Variants in SEPTIN11 observed in about 807,000 individuals in gnomAD.
The protein encoded by SEPTIN11 is septin 11, also known as septin-11.
In SEPTIN11, 25 loss-of-function variants were observed where a neutral mutation model predicts 51.4. The observed-to-expected ratio is 0.49, with a 90% CI of 0.35 to 0.68. The LOEUF (loss-of-function observed/expected upper bound fraction) is 0.68, where lower values mean the gene tolerates loss of function less well. SEPTIN11 is among the 30% of genes least tolerant of loss of function. SEPTIN11 has a pLI of 0.00. For missense variants in SEPTIN11, 381 were observed against 520.8 expected (o/e 0.73, Z 2.61); for synonymous variants, 174 against 184.1 (o/e 0.95, Z 0.44).
chr4:76,982,928 G>GTT (rs370774954), intron 1 of SEPTIN11, among the ~76,000 whole-genome samples: 1 of 151,022 alleles, frequency 6.6e-6, no homozygotes, highest in African/African-American at 2.4e-5. Context: ...ACAGTTGTGT[G>GTT]TTTTTTTTGT....
chr4:77,014,933 G>A lies in SEPTIN11; in HGVS notation c.603G>A (p.Met201Ile). 1.2e-6 allele frequency: 2 copies of A among 1,614,178 alleles called. No homozygotes were observed. The highest frequency in any genetic ancestry group is 1.7e-6 in the Non-Finnish European group (2 of 1,180,016). Residue 201 changes from methionine to isoleucine, a missense_variant, in exon 5 of 10, where the codon ATG (methionine) becomes ATA (isoleucine). Met to Ile is a conservative substitution (Grantham distance 10). This residue lies in a region of SEPTIN11 where 197 missense variants were observed against 313.1 expected (regional missense o/e 0.63). Transcript: ENST00000264893. ...TGCACAAATTCAAGAGTAAGATCATGAGTGAACTGGTCAGCAATGGGGTCC... is the reference window on the plus strand; with the variant it reads ...TGCACAAATTCAAGAGTAAGATCATAAGTGAACTGGTCAGCAATGGGGTCC... The part of the protein sequence containing the change: ...NELHKFKSKI[M>I]SELVSNGVQI...
At chr4:76,980,497 C>A (rs1290910038) in intron 1 of SEPTIN11, among the ~76,000 whole-genome samples, 1 of 152,084 alleles carries the variant, frequency 6.6e-6, no homozygotes, top group Non-Finnish European at 1.5e-5. Context: ...TGCCACATTG[C>A]GCTAAACCCA....
intron 5 of SEPTIN11, among the ~76,000 whole-genome samples, chr4:77,017,039 A>G (rs1725358723): frequency 6.6e-6 from 1 of 151,978 alleles, no homozygotes; most frequent in African/African-American, 2.4e-5. Context: ...TTTTTATAGG[A>G]AGGTCAAAAT....
At chr4:77,039,379 G>C (rs1727241864), downstream of SEPTIN11, 4 of 1,077,912 alleles carry the variant, frequency 3.7e-6, no homozygotes, top group South Asian at 8.1e-5. Context: ...CCAAGGTCTT[G>C]TGCTGGGATC....
Position 77,038,261 on chromosome 4 carries a change from A to G in SEPTIN11, c.*3749A>G, listed in dbSNP as rs1233715888. The G allele has an allele frequency of 1.0e-6, 1 of 985,578 alleles. No individual in the cohort carries two copies. The highest frequency in any genetic ancestry group is 1.7e-5 in the African/African-American group (1 of 57,248). 61.1% of individuals were successfully genotyped at this position (985,578 alleles called of 1,614,324 possible). A position where few individuals can be genotyped will look rare whatever the true frequency, so the allele number is the denominator to read the frequency against. ...TGTGAACAGCATTAGAACTTTGTCT[A>G]TTTCTTAATTTTAAAATATGCTGAT... On this transcript the variant is annotated 3_prime_UTR_variant, in exon 10 of 10. Coordinates refer to ENST00000264893, the MANE Select transcript of SEPTIN11 (RefSeq NM_018243.4).
chr4:76,969,152 G>A (rs990907111), intron 1 of SEPTIN11, among the ~76,000 whole-genome samples: 7 of 152,168 alleles, frequency 4.6e-5, no homozygotes, highest in South Asian at 2.1e-4. Flanking sequence ...GCAAGTTGGC[G>A]GCGGGAGCTC....
At chr4:76,995,717 T>G in intron 1 of SEPTIN11, 1 of 1,363,238 alleles carries the variant, frequency 7.3e-7, no homozygotes, top group Non-Finnish European at 9.6e-7. Flanking sequence ...ACCCAGTGAT[T>G]TTACTTTAGC....
Position 77,014,944 on chromosome 4 carries a change from T to C in SEPTIN11, c.614T>C (p.Val205Ala). Residue 205 changes from valine to alanine, a missense_variant, in exon 5 of 10, where the codon GTC becomes GCC. By Grantham distance (64) the Val-to-Ala change is moderately conservative. Around this residue, in one of 2 missense-constraint regions of SEPTIN11, gnomAD observed 197 missense variants for 313.1 expected, o/e 0.63. Coordinates refer to ENST00000264893, the MANE Select transcript of SEPTIN11 (RefSeq NM_018243.4). ...AAGAGTAAGATCATGAGTGAACTGGTCAGCAATGGGGTCCAGATATATCAG... is the reference window on the plus strand; with the variant it reads ...AAGAGTAAGATCATGAGTGAACTGGCCAGCAATGGGGTCCAGATATATCAG... Reference protein sequence around the residue: ...KFKSKIMSELVSNGVQIYQFP... With the variant: ...KFKSKIMSELASNGVQIYQFP... The C allele has an allele frequency of 1.2e-6, 2 of 1,614,128 alleles. No individual in the cohort carries two copies. Among genetic ancestry groups the C allele is most frequent in the Non-Finnish European group, 1.7e-6 (2 of 1,179,982 alleles).
At chr4:76,950,769 C>T (rs1721299840) in intron 1 of SEPTIN11, among the ~76,000 whole-genome samples, 1 of 151,952 alleles carries the variant, frequency 6.6e-6, no homozygotes, top group African/African-American at 2.4e-5. Flanking sequence ...CGGAGGGGAG[C>T]GGGACTCCGA....
In SEPTIN11 at chr4:76,949,819, G is replaced by A; in HGVS notation, c.-85G>A. ...GCGCAGCCGCGAGGGAGGCGCGAGG[G>A]AGGCGAGCCGGAGCCCGAGCACTAG... On this transcript the variant is annotated 5_prime_UTR_variant, in exon 1 of 10. Coordinates refer to ENST00000264893, the MANE Select transcript of SEPTIN11 (RefSeq NM_018243.4). 1.4e-6 allele frequency: 2 copies of A among 1,426,038 alleles called. No individual in the cohort carries two copies. Among genetic ancestry groups the A allele is most frequent in the Non-Finnish European group, 1.9e-6 (2 of 1,063,826 alleles). The allele number at this position is 1,426,038 out of a possible 1,614,324, so 88.3% of individuals were successfully genotyped here.
At chr4:77,016,633 C>CACATATATATATATATCTATATCT in intron 5 of SEPTIN11, among the ~76,000 whole-genome samples, 1 of 72,748 alleles carries the variant, frequency 1.4e-5, no homozygotes. Context: ...TATATATACA[C>CACATATATATATATATCTATATCT]ATATATATAT....
At chr4:76,979,292 T>C (rs958005628) in intron 1 of SEPTIN11, among the ~76,000 whole-genome samples, 1 of 152,208 alleles carries the variant, frequency 6.6e-6, no homozygotes, top group East Asian at 1.9e-4. Flanking sequence ...TGGTGTCTAA[T>C]TCAAGGAACC....
At chr4:76,974,629 C>A in intron 1 of SEPTIN11, 3 of 400,016 alleles carry the variant, frequency 7.5e-6, no homozygotes, top group Admixed American at 2.8e-5. Flanking sequence ...ACAGATTCTT[C>A]AGTCGTTTCA....
chr4:76,961,104 G>A (rs1310225579), intron 1 of SEPTIN11, among the ~76,000 whole-genome samples: 6 of 152,172 alleles, frequency 3.9e-5, no homozygotes, highest in Admixed American at 3.9e-4. Context: ...GATCTTGTCA[G>A]GCTCTTTTAA....
At chr4:77,026,809 A>G (rs1329004520) in intron 7 of SEPTIN11, among the ~76,000 whole-genome samples, 1 of 152,240 alleles carries the variant, frequency 6.6e-6, no homozygotes, top group Non-Finnish European at 1.5e-5. Context: ...TCTGACCTAA[A>G]TAATAGTGAT....
chr4:76,968,976 T>C (rs890168470), intron 1 of SEPTIN11, among the ~76,000 whole-genome samples: 1 of 152,204 alleles, frequency 6.6e-6, no homozygotes, highest in African/African-American at 2.4e-5. Flanking sequence ...AGCATTTTTA[T>C]TGAGAAATAT....
intron 5 of SEPTIN11, among the ~76,000 whole-genome samples, chr4:77,018,302 A>G (rs952876277): frequency 1.3e-5 from 2 of 152,136 alleles, no homozygotes; most frequent in African/African-American, 2.4e-5. Flanking sequence ...TACAAAAATT[A>G]GCTGGGCATG....
intron 7 of SEPTIN11, among the ~76,000 whole-genome samples, chr4:77,022,589 A>G (rs1375722871): frequency 2.0e-5 from 3 of 152,228 alleles, no homozygotes; most frequent in South Asian, 4.1e-4. Context: ...AACTTCATTT[A>G]CAAAAACAGA....
At position 77,036,480 on chromosome 4, in the gene SEPTIN11, T is replaced by A; in HGVS notation, c.*1968T>A. ...ACAGAAAGTACACTTTTAAATTGTCTCTTGCATCACTAAAATTTTTTTAAA... is the reference window on the plus strand; with the variant it reads ...ACAGAAAGTACACTTTTAAATTGTCACTTGCATCACTAAAATTTTTTTAAA... On this transcript the variant is annotated 3_prime_UTR_variant, in exon 10 of 10. Transcript: ENST00000264893. 2 of 1,290,002 alleles carry A rather than the reference T, an allele frequency of 1.6e-6. No homozygotes were observed. The highest frequency in any genetic ancestry group is 3.3e-5 in the South Asian group (2 of 61,232). The allele number at this position is 1,290,002 out of a possible 1,614,324, so 79.9% of individuals were successfully genotyped here.
Sources: allele counts gnomAD v4.1 joint callset (sites outside exome capture counted in the v4.1 genomes callset), GRCh38; gene constraint gnomAD v4.1.1; regional missense constraint gnomAD v4.1.1; transcripts MANE v1.5; gene names NCBI Gene and HGNC (gene_info 2026-07-23, HGNC 2026-07-21).